The following CCDC88A variants were observed in gnomAD, a reference collection of about 807,000 sequenced individuals.
CCDC88A encodes girdin.
CCDC88A carries 54 observed loss-of-function variants against 234.3 expected under a neutral mutation model. That is an observed-to-expected ratio of 0.23 (90% CI 0.19 to 0.29). CCDC88A has a LOEUF of 0.29. Ranked by LOEUF, CCDC88A falls within the 10% of genes least tolerant of loss-of-function variation. The probability of loss-of-function intolerance (pLI) is 1.00; values close to 1 mark genes in which losing one functional copy is unlikely to be tolerated. For missense variants in CCDC88A, 1,832 were observed against 2,123.4 expected (o/e 0.86, Z 2.70); for synonymous variants, 753 against 737.8 (o/e 1.02, Z -0.33).
intron 2 of CCDC88A, among the ~76,000 whole-genome samples, chr2:55,409,603 T>G (rs77641143): frequency 1.1e-4 from 16 of 152,150 alleles, no homozygotes; most frequent in Non-Finnish European, 1.9e-4. Flanking sequence ...TAGCCCTTCA[T>G]CCCTCTCACT....
rs753894495 is a variant in CCDC88A, at chr2:55,328,455, T to C, written c.2856-20A>G. 2.9e-5 allele frequency: 43 copies of C among 1,478,016 alleles called. No homozygotes were observed. In the South Asian group the frequency reaches 5.2e-4, roughly 18 times the overall value. 91.6% of individuals were successfully genotyped at this position (1,478,016 alleles called of 1,614,324 possible). The stretch of plus-strand genomic sequence containing the variant: ...TACCTACTATCCAAGTACAAAGTAA[T>C]GTAGTTCATTATTGGAGGTCAGAAA... On this transcript the variant is annotated intron_variant, in intron 16 of 32. Transcript: ENST00000436346. The surrounding 1 kb of genome is among the most constrained non-coding windows in gnomAD (Gnocchi z 4.3).
At chr2:55,357,197 A>C (rs533618437) in intron 7 of CCDC88A, among the ~76,000 whole-genome samples, 3 of 152,294 alleles carry the variant, frequency 2.0e-5, no homozygotes, top group Admixed American at 1.3e-4. Context: ...TAGCTAATAC[A>C]CCATGACTCC....
chr2:55,354,494 CGTTTA>C (rs1197266293), intron 8 of CCDC88A, among the ~76,000 whole-genome samples: 7 of 152,102 alleles, frequency 4.6e-5, no homozygotes, highest in African/African-American at 1.7e-4. Flanking sequence ...TGTTTAGTAA[CGTTTA>C]GTTTAAAACA....
At chr2:55,294,178 A>G in intron 31 of CCDC88A, 1 of 792,520 alleles carries the variant, frequency 1.3e-6, no homozygotes, top group Non-Finnish European at 1.5e-6. Flanking sequence ...CACAATGAAT[A>G]TAATTTGGTT....
At chr2:55,413,284 T>C (rs951435336) in intron 2 of CCDC88A, among the ~76,000 whole-genome samples, 8 of 152,108 alleles carry the variant, frequency 5.3e-5, no homozygotes, top group Non-Finnish European at 1.2e-4. Flanking sequence ...TAGGTAGATA[T>C]AGCATAGCAC....
chr2:55,373,404 G>C (rs923462264), intron 4 of CCDC88A, among the ~76,000 whole-genome samples: 2 of 152,094 alleles, frequency 1.3e-5, no homozygotes, highest in Admixed American at 1.3e-4. Context: ...CCTAGGCACA[G>C]CTCTTATCAT....
chr2:55,318,597 C>T (rs182531847), intron 19 of CCDC88A, among the ~76,000 whole-genome samples: 11 of 152,108 alleles, frequency 7.2e-5, no homozygotes, highest in African/African-American at 1.2e-4. Context: ...TTTTTACAAT[C>T]GACTTAATGA....
Position 55,312,430 on chromosome 2 carries a change from C to T in CCDC88A, c.4079+4G>A. On this transcript the variant is annotated splice_donor_region_variant and intron_variant, in intron 23 of 32. Coordinates refer to ENST00000436346, the MANE Select transcript of CCDC88A (RefSeq NM_001365480.1). ...TTCAGAGTGCAAAATTATTTGGTAC[C>T]TACATGTACTGTCTTTGTTCAACAT... is the stretch of plus-strand genomic sequence containing the variant. The T allele has an allele frequency of 6.2e-7, 1 of 1,609,898 alleles. No homozygotes were observed. The highest frequency in any genetic ancestry group is 1.7e-4 in the Middle Eastern group (1 of 6,042).
rs1423886094 is a variant in CCDC88A at position 55,317,194 on chromosome 2, T to C, written c.3746+12A>G. On this transcript the variant is annotated intron_variant, in intron 21 of 32. Coordinates refer to ENST00000436346, the MANE Select transcript of CCDC88A (RefSeq NM_001365480.1). The surrounding 1 kb of genome is among the most constrained non-coding windows in gnomAD (Gnocchi z 4.2). ...TATAAAATGTTTGTTATATATAATA[T>C]ATATTTATTACCTATCATTTTCACC... 6.8e-6 allele frequency: 8 copies of C among 1,178,094 alleles called. No homozygotes were observed. Among genetic ancestry groups the C allele is most frequent in the Admixed American group, 2.7e-5 (1 of 37,326 alleles). The allele number at this position is 1,178,094 out of a possible 1,614,324, so 73.0% of individuals were successfully genotyped here. A position where few individuals can be genotyped will look rare whatever the true frequency, so the allele number is the denominator to read the frequency against.
At position 55,295,839 on chromosome 2, in the gene CCDC88A, G is replaced by T; in HGVS notation, c.5309C>A (p.Ala1770Glu). ...TTGAGTGCCTGGTGTAGGTTTTCCCGCAGAACTAATGAAGTAGGTATCTTC... is the reference window on the plus strand; with the variant it reads ...TTGAGTGCCTGGTGTAGGTTTTCCCTCAGAACTAATGAAGTAGGTATCTTC... ...KTEDTYFISSAGKPTPGTQGK... is the reference protein window; with the variant it reads ...KTEDTYFISSEGKPTPGTQGK... Residue 1770 changes from alanine to glutamate, a missense_variant, in exon 31 of 33, where the codon GCG becomes GAG. Transcript: ENST00000436346. 1.2e-6 allele frequency: 2 copies of T among 1,613,946 alleles called. No homozygotes were observed. The highest frequency in any genetic ancestry group is 8.5e-7 in the Non-Finnish European group (1 of 1,179,978).
At chr2:55,401,560 C>G (rs1417714929) in intron 2 of CCDC88A, among the ~76,000 whole-genome samples, 9 of 39,634 alleles carry the variant, frequency 2.3e-4, no homozygotes, top group Admixed American at 5.3e-4. Context: ...TAATTTCTCC[C>G]CCCCATAAAT....
chr2:55,345,960 C>A, intron 10 of CCDC88A: 2 of 380,776 alleles, frequency 5.3e-6, no homozygotes, highest in Non-Finnish European at 9.2e-6. Flanking sequence ...AAAGAAGAAC[C>A]CCAGAGTTCA....
intron 2 of CCDC88A, among the ~76,000 whole-genome samples, 180 bp from the exon 3 acceptor site, chr2:55,389,066 T>C (rs371265103): frequency 1.8e-4 from 28 of 152,214 alleles, no homozygotes; most frequent in African/African-American, 6.0e-4. Flanking sequence ...TTCTAATTAA[T>C]ACAAATGCAA....
chr2:55,312,373 G>A, intron 23 of CCDC88A, 61 bp downstream of exon 23: 1 of 1,435,988 alleles, frequency 7.0e-7, no homozygotes, highest in Non-Finnish European at 9.7e-7. Context: ...CTGCCACTGG[G>A]TATGGCAATG....
At chr2:55,349,137 T>C (rs1035375178) in intron 9 of CCDC88A, 2 of 162,874 alleles carry the variant, frequency 1.2e-5, no homozygotes, top group Admixed American at 1.3e-4. Context: ...AAAAACATTC[T>C]ATTACATATG....
Position 55,332,735 on chromosome 2 carries a change from G to C in CCDC88A, c.2728-42C>G. ...TGCAAAACTCACCTAAGTGTCAAGG[G>C]TATAAACATCTAAGAAAGTCAGCTA... On this transcript the variant is annotated intron_variant, in intron 15 of 32. Transcript: ENST00000436346. The surrounding 1 kb of genome is among the most constrained non-coding windows in gnomAD (Gnocchi z 4.5). 6.3e-7 allele frequency: 1 copy of C among 1,591,416 alleles called. No homozygotes were observed. The highest frequency in any genetic ancestry group is 8.6e-7 in the Non-Finnish European group (1 of 1,165,008).
chr2:55,351,933 C>G (rs891670565), intron 8 of CCDC88A, among the ~76,000 whole-genome samples: 1 of 152,024 alleles, frequency 6.6e-6, no homozygotes, highest in African/African-American at 2.4e-5. Context: ...ATGGATGAAC[C>G]TGGAAAACGT....
chr2:55,354,494 C>T (rs966405138), intron 8 of CCDC88A, among the ~76,000 whole-genome samples: 9 of 152,102 alleles, frequency 5.9e-5, no homozygotes, highest in Non-Finnish European at 7.4e-5. Context: ...TGTTTAGTAA[C>T]GTTTAGTTTA....
rs1558788505 is a variant in CCDC88A at position 55,384,592 on chromosome 2, C to CGTATATATGTGT, written c.273+4185_273+4186insACACATATATAC. Reference sequence around the variant, plus strand: ...ATACGTATATATGTGTATATATACACATATATACGTATATATGTGTATATA... The same window carrying CGTATATATGTGT: ...ATACGTATATATGTGTATATATACACGTATATATGTGTATATATACGTATATATGTGTATATA... On this transcript the variant is annotated intron_variant, in intron 3 of 32. Coordinates refer to ENST00000436346, the MANE Select transcript of CCDC88A (RefSeq NM_001365480.1). Among the ~76,000 whole-genome samples the CGTATATATGTGT allele has an allele frequency of 7.9e-5, 6 of 76,228 alleles. 1 individual carries two copies. The highest frequency in any genetic ancestry group is 1.5e-4 in the Non-Finnish European group (6 of 39,814). 50.0% of individuals were successfully genotyped at this position (76,228 alleles called of 152,430 possible). A position where few individuals can be genotyped will look rare whatever the true frequency, so the allele number is the denominator to read the frequency against.
Sources: gnomAD v4.1 joint callset for allele counts (sites outside exome capture counted in the v4.1 genomes callset) on GRCh38, gnomAD v4.1.1 for gene constraint, Gnocchi (gnomAD v3.1) non-coding constraint, MANE v1.5 for transcripts, NCBI Gene and HGNC (gene_info 2026-07-23, HGNC 2026-07-21) for gene names.